Variants in PDE4D observed in about 807,000 individuals in gnomAD.
PDE4D encodes phosphodiesterase 4D.
A neutral mutation model predicts 87.4 loss-of-function variants in PDE4D; 24 were observed. That is an observed-to-expected ratio of 0.27 (90% CI 0.20 to 0.39). The LOEUF (loss-of-function observed/expected upper bound fraction) is 0.39, where lower values mean the gene tolerates loss of function less well. Among genes scored for constraint, PDE4D ranks in the 10% least tolerant of loss-of-function variants. The probability of loss-of-function intolerance (pLI) is 1.00; values close to 1 mark genes in which losing one functional copy is unlikely to be tolerated. For synonymous variants in PDE4D, 384 were observed against 383.2 expected (o/e 1.00, Z -0.02); for missense variants, 714 against 1,041.0 (o/e 0.69, Z 4.32).
chr5:60,278,440 A>C (rs1045806912), intron 1 of PDE4D, among the ~76,000 whole-genome samples: 1 of 152,114 alleles, frequency 6.6e-6, no homozygotes, highest in Non-Finnish European at 1.5e-5. Context: ...GTTTTACCAA[A>C]TTTGGGAAGT....
intron 1 of PDE4D, among the ~76,000 whole-genome samples, chr5:60,366,661 C>T (rs1340705805): frequency 6.6e-6 from 1 of 152,212 alleles, no homozygotes; most frequent in African/African-American, 2.4e-5. Context: ...CACAGACTCA[C>T]ATCACACTGC....
chr5:58,998,329 C>T (rs900602540), intron 6 of PDE4D, among the ~76,000 whole-genome samples: 2 of 151,868 alleles, frequency 1.3e-5, no homozygotes, highest in Admixed American at 6.6e-5. Flanking sequence ...AATGTGAAGC[C>T]CTTCAAAAAT....
At chr5:59,662,156 C>T (rs1745357143) in intron 1 of PDE4D, among the ~76,000 whole-genome samples, 1 of 152,178 alleles carries the variant, frequency 6.6e-6, no homozygotes, top group Non-Finnish European at 1.5e-5. Context: ...CAGCTGTACT[C>T]TGGGCAAGGT....
chr5:59,979,632 T>C (rs1287198301), intron 3 of PDE4D, among the ~76,000 whole-genome samples: 2 of 152,180 alleles, frequency 1.3e-5, no homozygotes, highest in Non-Finnish European at 2.9e-5. Context: ...CCAGATATGT[T>C]GCATACATGA....
intron 2 of PDE4D, among the ~76,000 whole-genome samples, chr5:60,076,682 G>T (rs1043953277): frequency 0.039 from 5 of 128 alleles, no homozygotes; most frequent in African/African-American, 0.12. Context: ...TCAAGGTTAG[G>T]AACCTGCTCA....
chr5:59,721,643 G>T (rs1020646158), intron 1 of PDE4D, among the ~76,000 whole-genome samples: 3 of 151,930 alleles, frequency 2.0e-5, no homozygotes, highest in African/African-American at 7.3e-5. Flanking sequence ...TCCCTACCCT[G>T]CCCCCTAAAA....
At chr5:58,990,932 A>T (rs575438213) in intron 8 of PDE4D, 30 bp from the exon 9 acceptor site, 2 of 1,211,798 alleles carry the variant, frequency 1.7e-6, no homozygotes, top group South Asian at 2.8e-5. Context: ...AAGATACTAA[A>T]ATATTAGAAA....
At chr5:59,227,046 G>A (rs539661614) in intron 1 of PDE4D, among the ~76,000 whole-genome samples, 77 of 152,294 alleles carry the variant, frequency 5.1e-4, no homozygotes, top group African/African-American at 1.8e-3. Flanking sequence ...CTGGACCTGA[G>A]AGTCAGCTGT....
intron 1 of PDE4D, among the ~76,000 whole-genome samples, chr5:60,498,367 G>A (rs1387132077): frequency 1.3e-5 from 2 of 152,170 alleles, no homozygotes; most frequent in African/African-American, 2.4e-5. Flanking sequence ...TTCCACTAAA[G>A]GACCCTTGCC....
chr5:60,205,179 C>T (rs1342174872), intron 1 of PDE4D, among the ~76,000 whole-genome samples: 1 of 152,116 alleles, frequency 6.6e-6, no homozygotes, highest in South Asian at 2.1e-4. Context: ...CTACTTGAGC[C>T]CAGCTTCATG....
At chr5:59,959,586 T>C (rs889289323) in intron 3 of PDE4D, among the ~76,000 whole-genome samples, 6 of 152,080 alleles carry the variant, frequency 3.9e-5, no homozygotes, top group Non-Finnish European at 7.4e-5. Flanking sequence ...TCTTTGACAA[T>C]GTCAACAAAA....
chr5:59,984,677 G>A (rs1361126617), intron 3 of PDE4D, among the ~76,000 whole-genome samples: 1 of 152,128 alleles, frequency 6.6e-6, no homozygotes, highest in Non-Finnish European at 1.5e-5. Context: ...GAAGCTAATA[G>A]CTGTCATCTA....
At chr5:60,302,631 GA>G (rs1754006318) in intron 1 of PDE4D, among the ~76,000 whole-genome samples, 2 of 151,964 alleles carry the variant, frequency 1.3e-5, no homozygotes, top group Non-Finnish European at 2.9e-5. Context: ...TGGATTTGTT[GA>G]TATTTTGAAG....
intron 2 of PDE4D, among the ~76,000 whole-genome samples, chr5:60,144,594 T>C (rs1309947789): frequency 6.6e-6 from 1 of 152,206 alleles, no homozygotes; most frequent in African/African-American, 2.4e-5. Context: ...TTATTACTTT[T>C]CCATGGAGTC....
intron 1 of PDE4D, among the ~76,000 whole-genome samples, chr5:60,290,722 C>A (rs1243048339): frequency 2.0e-5 from 3 of 152,158 alleles, no homozygotes; most frequent in Non-Finnish European, 4.4e-5. Flanking sequence ...GGAGAATCAC[C>A]TGAGCTTGGG....
intron 1 of PDE4D, among the ~76,000 whole-genome samples, chr5:59,596,928 A>G (rs1826771126): frequency 6.6e-6 from 1 of 152,304 alleles, no homozygotes; most frequent in Admixed American, 6.5e-5. Flanking sequence ...CAAACTGATA[A>G]CTAAAGAGAC....
At chr5:60,035,699 C>A (rs1434531845) in intron 2 of PDE4D, among the ~76,000 whole-genome samples, 1 of 152,164 alleles carries the variant, frequency 6.6e-6, no homozygotes, top group African/African-American at 2.4e-5. Flanking sequence ...CACCCCTCCT[C>A]CCAAATAGGG....
At position 60,087,183 on chromosome 5, in the gene PDE4D, C is replaced by G. The variant is rs1348167011; in HGVS notation, c.42+98374G>C. ...TTAGTTCCAGCAAAGTGTTTTTGTA[C>G]CAGTGCACACTATAAGACTCCCAGA... is the stretch of plus-strand genomic sequence containing the variant. On this transcript the variant is annotated intron_variant, in intron 2 of 16. Coordinates refer to the PDE4D transcript ENST00000502484. 2.6e-5 allele frequency among the ~76,000 whole-genome samples: 4 copies of G among 152,134 alleles called. No individual in the cohort carries two copies. The East Asian group carries it at 7.7e-4, about 29-fold the overall frequency.
At chr5:60,245,485 G>A (rs1486889274) in intron 1 of PDE4D, among the ~76,000 whole-genome samples, 3 of 151,918 alleles carry the variant, frequency 2.0e-5, no homozygotes, top group African/African-American at 4.8e-5. Flanking sequence ...CTACACTCCC[G>A]TGTTTATTGT....
Sources: allele counts gnomAD v4.1 joint callset (sites outside exome capture counted in the v4.1 genomes callset), GRCh38; gene constraint gnomAD v4.1.1; transcripts MANE v1.5; gene names NCBI Gene and HGNC (gene_info 2026-07-23, HGNC 2026-07-21).